TBC1D22A: variants seen among roughly 807,000 people sequenced by gnomAD.
TBC1D22A encodes TBC1 domain family member 22A.
TBC1D22A carries 38 observed loss-of-function variants against 60.2 expected under a neutral mutation model. The observed-to-expected ratio is 0.63, with a 90% CI of 0.49 to 0.83. The LOEUF (loss-of-function observed/expected upper bound fraction) is 0.83. Ranked by LOEUF, TBC1D22A falls within the 40% of genes least tolerant of loss-of-function variation. The pLI, the probability that TBC1D22A is intolerant of heterozygous loss-of-function variation, is 0.00. For synonymous variants in TBC1D22A, 302 were observed against 281.7 expected (o/e 1.07, Z -0.72); for missense variants, 628 against 701.0 (o/e 0.90, Z 1.18).
chr22:46,775,731 A>G (rs180905887), intron 1 of TBC1D22A, among the ~76,000 whole-genome samples: 1 of 152,376 alleles, frequency 6.6e-6, no homozygotes, highest in African/African-American at 2.4e-5. Flanking sequence ...CTCAGCCGTC[A>G]TGCTTTTAAA....
In TBC1D22A at chr22:47,009,802, T is replaced by C. The variant is rs1405944517; in HGVS notation, c.1201+12093T>C. On this transcript the variant is annotated intron_variant, in intron 10 of 12. Coordinates refer to ENST00000337137, the MANE Select transcript of TBC1D22A (RefSeq NM_014346.5). The surrounding 1 kb of genome is among the most constrained non-coding windows in gnomAD (Gnocchi z 5.8). The stretch of plus-strand genomic sequence containing the variant: ...ATGGTGGGGCTGAGTGTTGGAAGTT[T>C]AGTCTGAAGGCCTCTGCTTCTCCCA... Among the ~76,000 whole-genome samples, 2 of 152,196 alleles carry C rather than the reference T, an allele frequency of 1.3e-5. No homozygotes were observed. Among genetic ancestry groups the C allele is most frequent in the African/African-American group, 4.8e-5 (2 of 41,442 alleles).
At chr22:46,791,690 C>A (rs769318157) in intron 1 of TBC1D22A, among the ~76,000 whole-genome samples, 2 of 152,172 alleles carry the variant, frequency 1.3e-5, no homozygotes, top group South Asian at 2.1e-4. Flanking sequence ...GTGTCTGCCA[C>A]GTGGGGTATT....
intron 1 of TBC1D22A, among the ~76,000 whole-genome samples, chr22:46,767,379 C>T (rs1421659881): frequency 6.6e-6 from 1 of 152,104 alleles, no homozygotes; most frequent in Non-Finnish European, 1.5e-5. Context: ...TGGCTTAGCA[C>T]GATTCTCTTT....
At chr22:46,824,622 A>G (rs977818168) in intron 4 of TBC1D22A, among the ~76,000 whole-genome samples, 2 of 152,182 alleles carry the variant, frequency 1.3e-5, no homozygotes, top group African/African-American at 4.8e-5. Context: ...GCTTTCAGAA[A>G]GATCCCTGTG....
chr22:46,825,557 G>A (rs1160921888), intron 4 of TBC1D22A, among the ~76,000 whole-genome samples: 1 of 151,980 alleles, frequency 6.6e-6, no homozygotes, highest in South Asian at 2.1e-4. Flanking sequence ...CACTGCAAAC[G>A]CTGCCTCCCA....
At chr22:46,999,881 C>T (rs1415102171) in intron 10 of TBC1D22A, among the ~76,000 whole-genome samples, 2 of 152,200 alleles carry the variant, frequency 1.3e-5, no homozygotes, top group East Asian at 1.9e-4. Context: ...AAATATTAGC[C>T]GGGCGTGGTG....
intron 5 of TBC1D22A, among the ~76,000 whole-genome samples, chr22:46,887,519 A>G (rs1217017606): frequency 2.0e-5 from 3 of 152,260 alleles, no homozygotes; most frequent in African/African-American, 7.2e-5. Context: ...AAAACTGGAA[A>G]CAGCACAAAT....
At chr22:47,156,858 C>G (rs1053684722) in intron 12 of TBC1D22A, among the ~76,000 whole-genome samples, 9 of 152,370 alleles carry the variant, frequency 5.9e-5, no homozygotes, top group African/African-American at 2.2e-4. Flanking sequence ...TCAGCAGGGT[C>G]TGCATGCTGC....
At chr22:46,964,192 C>G (rs906183474) in intron 8 of TBC1D22A, among the ~76,000 whole-genome samples, 2 of 152,202 alleles carry the variant, frequency 1.3e-5, no homozygotes, top group South Asian at 2.1e-4. Context: ...GAAACACATT[C>G]TTTGTGTGAA....
At chr22:47,155,378 CTT>C (rs775241174) in intron 12 of TBC1D22A, among the ~76,000 whole-genome samples, 7 of 152,156 alleles carry the variant, frequency 4.6e-5, no homozygotes, top group African/African-American at 9.7e-5. Context: ...CTGTCACTGT[CTT>C]TTTATTTTTA....
chr22:47,074,955 G>A (rs1451488791), intron 11 of TBC1D22A, among the ~76,000 whole-genome samples: 3 of 152,206 alleles, frequency 2.0e-5, no homozygotes, highest in African/African-American at 7.2e-5. Flanking sequence ...CAGGTGCGGT[G>A]GCTCACGCCT....
intron 11 of TBC1D22A, among the ~76,000 whole-genome samples, chr22:47,062,107 AAG>A (rs1335163333): frequency 6.6e-6 from 1 of 151,460 alleles, no homozygotes; most frequent in African/African-American, 2.4e-5. Context: ...AAAAAAAAAA[AAG>A]ACAATGTGAC....
chr22:46,858,920 T>G (rs2087718157), intron 4 of TBC1D22A, among the ~76,000 whole-genome samples: 2 of 152,202 alleles, frequency 1.3e-5, no homozygotes, highest in Non-Finnish European at 2.9e-5. Context: ...ACAAAAATGA[T>G]GAGAAAAAAA....
At chr22:47,056,066 C>T (rs1044196037) in intron 11 of TBC1D22A, among the ~76,000 whole-genome samples, 13 of 152,114 alleles carry the variant, frequency 8.5e-5, no homozygotes, top group African/African-American at 1.9e-4. Context: ...TTAGGTGTCC[C>T]GTGCACACAT....
chr22:47,125,394 T>A (rs1226247607), intron 12 of TBC1D22A, among the ~76,000 whole-genome samples: 1 of 152,222 alleles, frequency 6.6e-6, no homozygotes, highest in Non-Finnish European at 1.5e-5. Context: ...CCAGAGCATC[T>A]TCTGTTCCTA....
At chr22:47,091,436 G>A (rs199946909) in intron 11 of TBC1D22A, among the ~76,000 whole-genome samples, 55 of 137,754 alleles carry the variant, frequency 4.0e-4, no homozygotes, top group Admixed American at 8.2e-4. Context: ...GGAGGGGGTG[G>A]CTGCGTGTTG....
chr22:47,078,913 G>A (rs1225856913), intron 11 of TBC1D22A, among the ~76,000 whole-genome samples: 1 of 152,138 alleles, frequency 6.6e-6, no homozygotes, highest in African/African-American at 2.4e-5. Context: ...ACAGAAGGAC[G>A]TGGACCGATT....
At chr22:47,008,937 T>G (rs2148290230) in intron 10 of TBC1D22A, among the ~76,000 whole-genome samples, 1 of 152,208 alleles carries the variant, frequency 6.6e-6, no homozygotes, top group Middle Eastern at 3.4e-3. Context: ...AATGGGAGAT[T>G]TTGGTTTGGG....
intron 10 of TBC1D22A, among the ~76,000 whole-genome samples, chr22:47,027,760 G>A (rs922752880): frequency 6.6e-6 from 1 of 152,206 alleles, no homozygotes; most frequent in Non-Finnish European, 1.5e-5. Flanking sequence ...ACCAAAATTA[G>A]AATCTGTTTT....
Sources: gnomAD v4.1 joint callset for allele counts (sites outside exome capture counted in the v4.1 genomes callset) on GRCh38, gnomAD v4.1.1 for gene constraint, Gnocchi (gnomAD v3.1) non-coding constraint, MANE v1.5 for transcripts, NCBI Gene and HGNC (gene_info 2026-07-23, HGNC 2026-07-21) for gene names.